The following CSNK2A2 variants were observed in gnomAD, a reference collection of about 807,000 sequenced individuals.
CSNK2A2 encodes the protein casein kinase 2 alpha 2.
A neutral mutation model predicts 54.0 loss-of-function variants in CSNK2A2; 8 were observed. That is an observed-to-expected ratio of 0.15 (90% CI 0.09 to 0.27). The LOEUF (loss-of-function observed/expected upper bound fraction) is 0.27. Among genes scored for constraint, CSNK2A2 ranks in the 10% least tolerant of loss-of-function variants. The pLI is 1.00. For missense variants in CSNK2A2, 242 were observed against 439.4 expected, an observed-to-expected ratio of 0.55 and a Z score of 4.02; for synonymous variants, 141 against 153.9, an observed-to-expected ratio of 0.92 and a Z score of 0.62.
chr16:58,171,977 ATATTT>A (rs1383662069), intron 5 of CSNK2A2, among the ~76,000 whole-genome samples: 18 of 34,314 alleles, frequency 5.2e-4, no homozygotes, highest in Admixed American at 1.4e-3. Context: ...ATATATATAT[ATATTT>A]TTTTTTTTTT....
At chr16:58,171,979 A>ATATATATATATATATATT (rs1261137669) in intron 5 of CSNK2A2, among the ~76,000 whole-genome samples, 54 of 66,152 alleles carry the variant, frequency 8.2e-4, no homozygotes, top group Non-Finnish European at 1.1e-3. Flanking sequence ...ATATATATAT[A>ATATATATATATATATATT]TTTTTTTTTT....
intron 4 of CSNK2A2, among the ~76,000 whole-genome samples, chr16:58,182,852 G>A (rs949307837): frequency 2.0e-5 from 3 of 152,162 alleles, no homozygotes; most frequent in East Asian, 1.9e-4. Context: ...CCAGCTAAGC[G>A]CTGTTATGCT....
intron 4 of CSNK2A2, among the ~76,000 whole-genome samples, chr16:58,182,259 G>A (rs190155452): frequency 1.7e-3 from 258 of 151,356 alleles, no homozygotes; most frequent in African/African-American, 6.0e-3. Context: ...GGCTAGGTGC[G>A]GTGGCTCACG....
chr16:58,171,981 T>TATATA lies in CSNK2A2; in HGVS notation c.429+2469_429+2470insTATAT, dbSNP rs1567466368. On this transcript the variant is annotated intron_variant, in intron 5 of 11. Transcript: ENST00000262506. ...TGCATATATATATATATATATATATTTTTTTTTTTTTTTTTTTTTTGGTAG... is the reference window on the plus strand; with the variant it reads ...TGCATATATATATATATATATATATTATATATTTTTTTTTTTTTTTTTTTTGGTAG... 4.1e-3 allele frequency among the ~76,000 whole-genome samples: 222 copies of TATATA among 54,116 alleles called. 1 individual carries two copies. Among genetic ancestry groups the TATATA allele is most frequent in the East Asian group, 0.011 (20 of 1,826 alleles). The allele number at this position is 54,116 out of a possible 152,430, so 35.5% of individuals were successfully genotyped here. A position where few individuals can be genotyped will look rare whatever the true frequency, so the allele number is the denominator to read the frequency against.
chr16:58,168,133 C>A (rs1407453546), intron 6 of CSNK2A2, among the ~76,000 whole-genome samples: 2 of 151,996 alleles, frequency 1.3e-5, no homozygotes, highest in African/African-American at 4.8e-5. Flanking sequence ...TTATAAGCTC[C>A]AGGCGTCAGT....
At chr16:58,171,977 ATATTTTTT>A (rs1376430261) in intron 5 of CSNK2A2, among the ~76,000 whole-genome samples, 150 of 34,304 alleles carry the variant, frequency 4.4e-3, no homozygotes, top group African/African-American at 0.019. Context: ...ATATATATAT[ATATTTTTT>A]TTTTTTTTTT....
intron 11 of CSNK2A2, 131 bp downstream of exon 11, chr16:58,163,923 G>C: frequency 2.9e-6 from 2 of 697,558 alleles, no homozygotes; most frequent in Non-Finnish European, 4.6e-6. Context: ...CTTTTTGACA[G>C]ACTTTTAGGT....
chr16:58,189,505 T>C (rs1962274069), intron 2 of CSNK2A2, among the ~76,000 whole-genome samples: 1 of 152,146 alleles, frequency 6.6e-6, no homozygotes, highest in South Asian at 2.1e-4. Context: ...CGCTGCCCCA[T>C]GTAAAGTCTT....
intron 11 of CSNK2A2, chr16:58,163,828 C>G (rs946773635): frequency 1.8e-5 from 7 of 398,076 alleles, no homozygotes; most frequent in African/African-American, 1.4e-4. Context: ...AAAGGCAGAG[C>G]TCCTTCAGAT....
At position 58,157,957 on chromosome 16, in the gene CSNK2A2, T is replaced by C. The variant is rs1282606135; in HGVS notation, c.*414A>G. On this transcript the variant is annotated 3_prime_UTR_variant, in exon 12 of 12. Transcript: ENST00000262506. ...AATATATACTTTTAAAATAATAATA[T>C]GTAACTGCCGCCATGCCACATACTG... The C allele has an allele frequency of 6.6e-6, 1 of 152,568 alleles. No homozygotes were observed. The highest frequency in any genetic ancestry group is 1.5e-5 in the Non-Finnish European group (1 of 68,016). The allele number at this position is 152,568 out of a possible 1,614,324, so 9.5% of individuals were successfully genotyped here.
rs1962492947 is a variant in CSNK2A2, at chr16:58,197,472, AAG to A, written c.104+159_104+160del. ...GACGAAACGGGGGTAAAGGGGAGGG[AAG>A]AGGAAGACGAGGACATGTGCGAGAG... is the stretch of plus-strand genomic sequence containing the variant. On this transcript the variant is annotated intron_variant, in intron 1 of 11. Coordinates refer to ENST00000262506, the MANE Select transcript of CSNK2A2 (RefSeq NM_001896.4). The surrounding 1 kb of genome is among the most constrained non-coding windows in gnomAD (Gnocchi z 4.0). 6.6e-6 allele frequency among the ~76,000 whole-genome samples: 1 copy of A among 152,118 alleles called. No individual in the cohort carries two copies.
rs1962487420 is a variant in CSNK2A2, at chr16:58,197,383, A to C, written c.104+250T>G. ...CACCCGGCGTCGATCCCTGGACCCC[A>C]CACTTCTCCCCGAGTAAAAAAGCAT... On this transcript the variant is annotated intron_variant, in intron 1 of 11. Coordinates refer to ENST00000262506, the MANE Select transcript of CSNK2A2 (RefSeq NM_001896.4). This position sits in a 1 kb window ranked among gnomAD's most constrained non-coding sequence, Gnocchi z 4.0. Among the ~76,000 whole-genome samples the C allele has an allele frequency of 6.6e-6, 1 of 152,150 alleles. No homozygotes were observed. The highest frequency in any genetic ancestry group is 2.4e-5 in the African/African-American group (1 of 41,436).
chr16:58,170,346 T>G lies in CSNK2A2; in HGVS notation c.430-1653A>C, dbSNP rs190787219. Among the ~76,000 whole-genome samples, 16 of 152,196 alleles carry G rather than the reference T, an allele frequency of 1.1e-4. 1 individual carries two copies. The highest frequency in any genetic ancestry group is 9.8e-4 in the Admixed American group (15 of 15,276). ...TACATTCATAATATGAAATCATACA[T>G]GTATAGTGCTTTGTCTACCTTCTTT... On this transcript the variant is annotated intron_variant, in intron 5 of 11. Coordinates refer to ENST00000262506, the MANE Select transcript of CSNK2A2 (RefSeq NM_001896.4).
In CSNK2A2 at chr16:58,197,665, G is replaced by A. The variant is rs564988972; in HGVS notation, c.72C>T (p.Tyr24=). 9.5e-6 allele frequency: 15 copies of A among 1,577,698 alleles called. No individual in the cohort carries two copies. The East Asian group carries it at 2.7e-4, about 28-fold the overall frequency. The change falls in exon 1 of 12, where the codon TAC becomes TAT. Residue 24 remains tyrosine, a synonymous_variant. Transcript: ENST00000262506. The surrounding 1 kb of genome is among the most constrained non-coding windows in gnomAD (Gnocchi z 4.0). ...TCGGGACGTGAGCCTCGTAGTCCCA[G>A]TACTCGCGGCTCCTCAGACTGTTCA... ...AEVNSLRSRE[Y]WDYEAHVPSW... is the part of the protein sequence containing the mutation.
chr16:58,173,335 C>A (rs1216283751), intron 5 of CSNK2A2, among the ~76,000 whole-genome samples: 1 of 152,148 alleles, frequency 6.6e-6, no homozygotes, highest in Non-Finnish European at 1.5e-5. Flanking sequence ...TATAAAAACA[C>A]ATTCATTTCA....
intron 8 of CSNK2A2, among the ~76,000 whole-genome samples, chr16:58,166,926 A>G (rs576161748): frequency 3.2e-4 from 48 of 152,358 alleles, no homozygotes; most frequent in African/African-American, 1.1e-3. Context: ...GGACCAGTAC[A>G]GGGCATCACA....
intron 4 of CSNK2A2, among the ~76,000 whole-genome samples, chr16:58,180,929 G>A (rs972682990): frequency 3.3e-5 from 5 of 152,124 alleles, no homozygotes; most frequent in Admixed American, 6.5e-5. Flanking sequence ...ACATCACGAC[G>A]GTGAACTAAA....
intron 2 of CSNK2A2, among the ~76,000 whole-genome samples, chr16:58,196,000 C>T (rs1402294562): frequency 1.3e-5 from 2 of 152,356 alleles, no homozygotes; most frequent in South Asian, 4.1e-4. Flanking sequence ...GAATTTCCTT[C>T]CACTTGGGCT....
intron 11 of CSNK2A2, chr16:58,163,350 G>C (rs1368835595): frequency 6.6e-6 from 1 of 150,726 alleles, no homozygotes; most frequent in Non-Finnish European, 1.5e-5. Flanking sequence ...TGAGCTCCAA[G>C]TTATGCACTT....
Sources: gnomAD v4.1 joint callset for allele counts (sites outside exome capture counted in the v4.1 genomes callset) on GRCh38, gnomAD v4.1.1 for gene constraint, Gnocchi (gnomAD v3.1) non-coding constraint, MANE v1.5 for transcripts, NCBI Gene and HGNC (gene_info 2026-07-23, HGNC 2026-07-21) for gene names.